Variants in DNM3 observed in about 807,000 individuals in gnomAD.
DNM3 encodes the protein dynamin-3.
In DNM3, 47 loss-of-function variants were observed where a neutral mutation model predicts 101.6. The observed-to-expected ratio is 0.46, with a 90% CI of 0.37 to 0.59. The LOEUF is 0.59. Among genes scored for constraint, DNM3 ranks in the 20% least tolerant of loss-of-function variants. The pLI is 0.00. For synonymous variants in DNM3, 385 were observed against 387.9 expected (o/e 0.99, Z 0.09); for missense variants, 849 against 1,085.7 (o/e 0.78, Z 3.06).
chr1:172,179,423 G>A (rs539911086), intron 14 of DNM3, among the ~76,000 whole-genome samples: 11 of 151,820 alleles, frequency 7.2e-5, no homozygotes, highest in Non-Finnish European at 1.6e-4. Context: ...GATTATATAA[G>A]TATTAATTAT....
chr1:172,142,657 C>G (rs2057646402), intron 14 of DNM3, among the ~76,000 whole-genome samples: 1 of 150,208 alleles, frequency 6.7e-6, no homozygotes, highest in Non-Finnish European at 1.5e-5. Context: ...AACAAAAAGA[C>G]CGTTTAACAT....
At chr1:172,177,150 T>C (rs1327803539) in intron 14 of DNM3, among the ~76,000 whole-genome samples, 1 of 151,814 alleles carries the variant, frequency 6.6e-6, no homozygotes, top group African/African-American at 2.4e-5. Flanking sequence ...AGCCAGTTTT[T>C]CAAAGTTTCT....
chr1:172,091,508 G>A (rs1037398509), intron 12 of DNM3, among the ~76,000 whole-genome samples: 1 of 152,206 alleles, frequency 6.6e-6, no homozygotes, highest in Non-Finnish European at 1.5e-5. Context: ...GCAGATGAAA[G>A]CGGGAAGTAC....
intron 13 of DNM3, among the ~76,000 whole-genome samples, chr1:172,099,039 A>G (rs1430155890): frequency 2.0e-5 from 3 of 152,218 alleles, no homozygotes; most frequent in Non-Finnish European, 2.9e-5. Context: ...CTGAGGACAC[A>G]GACAAATGAA....
intron 1 of DNM3, among the ~76,000 whole-genome samples, chr1:171,842,653 C>G (rs770970293): frequency 6.6e-6 from 1 of 152,306 alleles, no homozygotes; most frequent in African/African-American, 2.4e-5. Flanking sequence ...CCTCCCCCAG[C>G]ATCATCTTCC....
chr1:172,105,450 T>C (rs1400376159), intron 13 of DNM3, among the ~76,000 whole-genome samples: 1 of 152,264 alleles, frequency 6.6e-6, no homozygotes, highest in Admixed American at 6.5e-5. Context: ...AGAGTCCATA[T>C]CTGGGTTATT....
At chr1:172,316,042 G>A (rs923374067) in intron 16 of DNM3, among the ~76,000 whole-genome samples, 46 of 152,142 alleles carry the variant, frequency 3.0e-4, no homozygotes, top group East Asian at 1.4e-3. Context: ...CGGATCTCTC[G>A]GCAGAAACTC....
rs3051630 is a variant in DNM3 at position 172,020,721 on chromosome 1, CAA to C, written c.590-11659_590-11658del. Among the ~76,000 whole-genome samples, 565 of 66,308 alleles carry C rather than the reference CAA, an allele frequency of 8.5e-3. 13 individuals are homozygous for C. In the East Asian group the frequency reaches 0.11, roughly 13 times the overall value. 43.5% of individuals were successfully genotyped at this position (66,308 alleles called of 152,430 possible). On this transcript the variant is annotated intron_variant, in intron 4 of 20. Transcript: ENST00000627582. The stretch of plus-strand genomic sequence containing the variant: ...CCTGGGCGACAGTGTGAGACTCCGT[CAA>C]AAAAAAAAAAAAAAAAAAAAAGAAC...
At chr1:172,326,484 T>C (rs2065941984) in intron 17 of DNM3, among the ~76,000 whole-genome samples, 1 of 152,142 alleles carries the variant, frequency 6.6e-6, no homozygotes, top group African/African-American at 2.4e-5. Context: ...TTTTTTAAAC[T>C]TGTTTCTTGA....
intron 7 of DNM3, among the ~76,000 whole-genome samples, chr1:172,041,646 T>G (rs1372275449): frequency 2.6e-5 from 4 of 152,110 alleles, no homozygotes; most frequent in African/African-American, 9.7e-5. Flanking sequence ...TTTGGGACAC[T>G]AGGTGGTTGT....
At chr1:172,112,065 G>A (rs2147952113) in intron 13 of DNM3, among the ~76,000 whole-genome samples, 1 of 152,258 alleles carries the variant, frequency 6.6e-6, no homozygotes, top group East Asian at 1.9e-4. Context: ...TTGCATGGGT[G>A]TTTTATATCA....
intron 13 of DNM3, among the ~76,000 whole-genome samples, chr1:172,112,047 A>G (rs1301305766): frequency 6.6e-6 from 1 of 152,198 alleles, no homozygotes; most frequent in East Asian, 1.9e-4. Flanking sequence ...AATAATAGCT[A>G]TAATTTATTG....
chr1:171,996,790 A>G (rs2046025412), intron 4 of DNM3, among the ~76,000 whole-genome samples: 1 of 152,116 alleles, frequency 6.6e-6, no homozygotes, highest in African/African-American at 2.4e-5. Context: ...ACACTTTGGG[A>G]GGCCAAGGTG....
At chr1:171,990,104 A>G (rs543210363) in intron 4 of DNM3, among the ~76,000 whole-genome samples, 1 of 152,144 alleles carries the variant, frequency 6.6e-6, no homozygotes, top group South Asian at 2.1e-4. Context: ...AAATAGCATC[A>G]TGTTCTTGTT....
At chr1:172,007,195 TA>T (rs1309755675) in intron 4 of DNM3, among the ~76,000 whole-genome samples, 2 of 152,242 alleles carry the variant, frequency 1.3e-5, no homozygotes, top group Admixed American at 6.5e-5. Context: ...TTGCACATAT[TA>T]AAAAAATTTT....
intron 12 of DNM3, among the ~76,000 whole-genome samples, chr1:172,089,895 C>T (rs914094248): frequency 1.3e-5 from 2 of 152,126 alleles, no homozygotes; most frequent in African/African-American, 4.8e-5. Context: ...TTGTTTAGTC[C>T]TCTAGCCCTC....
At chr1:172,215,652 AC>A (rs935332969) in intron 14 of DNM3, among the ~76,000 whole-genome samples, 12 of 152,128 alleles carry the variant, frequency 7.9e-5, no homozygotes, top group African/African-American at 2.2e-4. Flanking sequence ...AATAGCAAAA[AC>A]AAATTTTTAA....
At chr1:172,255,560 C>A (rs2062363192) in intron 15 of DNM3, among the ~76,000 whole-genome samples, 1 of 152,122 alleles carries the variant, frequency 6.6e-6, no homozygotes, top group Non-Finnish European at 1.5e-5. Context: ...ATTTTAAAGA[C>A]AGCAAAAGTC....
chr1:172,131,213 C>A lies in DNM3; in HGVS notation c.1584C>A (p.Gly528=), dbSNP rs2056920029. ...RKGWLTISNI[G]IMKGGSKGYW... is the part of the protein sequence containing the mutation. ...GGTGGCTCACCATCAGCAACATTGG[C>A]ATCATGAAAGGCGGCTCGAAGGGAT... is the stretch of plus-strand genomic sequence containing the variant. Residue 528 remains glycine, a synonymous_variant, in exon 14 of 21, where the codon GGC becomes GGA. Transcript: ENST00000627582. The A allele has an allele frequency of 3.1e-6, 5 of 1,613,286 alleles. No individual in the cohort carries two copies. The highest frequency in any genetic ancestry group is 4.2e-6 in the Non-Finnish European group (5 of 1,179,606).
Sources: allele counts gnomAD v4.1 joint callset (sites outside exome capture counted in the v4.1 genomes callset), GRCh38; gene constraint gnomAD v4.1.1; transcripts MANE v1.5; gene names NCBI Gene and HGNC (gene_info 2026-07-23, HGNC 2026-07-21).